The following HOMEZ variants were observed in gnomAD, a reference collection of about 807,000 sequenced individuals.
The protein encoded by HOMEZ is homeobox and leucine zipper protein Homez.
Under a neutral mutation model 50.1 loss-of-function variants are expected in HOMEZ, and 20 were observed. That is an observed-to-expected ratio of 0.40 (90% CI 0.28 to 0.58). The LOEUF is 0.58. Ranked by LOEUF, HOMEZ falls within the 20% of genes least tolerant of loss-of-function variation. The probability of loss-of-function intolerance (pLI) is 0.46; values close to 1 mark genes in which losing one functional copy is unlikely to be tolerated. For missense variants in HOMEZ, 579 were observed against 680.5 expected (o/e 0.85, Z 1.66); for synonymous variants, 239 against 254.7 (o/e 0.94, Z 0.59).
In HOMEZ at chr14:23,273,339, A is replaced by G. The variant is rs996499332; in HGVS notation, c.*2236T>C. ...GTTCTTTTCCTTATTATACTTTTTT[A>G]TTTGTCTATTATTTCCTCTATGCTT... On this transcript the variant is annotated 3_prime_UTR_variant, in exon 2 of 2. Transcript: ENST00000357460. The G allele has an allele frequency of 9.2e-5, 14 of 152,818 alleles. No homozygotes were observed. Among genetic ancestry groups the G allele is most frequent in the African/African-American group, 3.4e-4 (14 of 41,410 alleles). 9.5% of individuals were successfully genotyped at this position (152,818 alleles called of 1,614,324 possible).
intron 1 of HOMEZ, among the ~76,000 whole-genome samples, chr14:23,281,093 CTCCTGATCTG>C (rs1886546160): frequency 3.3e-5 from 5 of 152,032 alleles, no homozygotes; most frequent in African/African-American, 4.8e-5. Context: ...TTAAGTATTA[CTCCTGATCTG>C]CTAAGGACAG....
In HOMEZ at chr14:23,273,479, T is replaced by C. The variant is rs1160039896; in HGVS notation, c.*2096A>G. The C allele has an allele frequency of 6.6e-6, 1 of 152,262 alleles. No homozygotes were observed. The highest frequency in any genetic ancestry group is 1.5e-5 in the Non-Finnish European group (1 of 68,054). The allele number at this position is 152,262 out of a possible 1,614,324, so 9.4% of individuals were successfully genotyped here. On this transcript the variant is annotated 3_prime_UTR_variant, in exon 2 of 2. Transcript: ENST00000357460. The stretch of plus-strand genomic sequence containing the variant: ...GACGATGCCCTTTTATTGCTACAAT[T>C]CTATCACTTTTACAAGCTCTAGAAT...
rs1482042481 is a variant in HOMEZ, at chr14:23,272,840, G to A, written c.*2735C>T. The A allele has an allele frequency of 1.9e-6, 3 of 1,549,036 alleles. No individual in the cohort carries two copies. The highest frequency in any genetic ancestry group is 2.6e-6 in the Non-Finnish European group (3 of 1,146,002). On this transcript the variant is annotated 3_prime_UTR_variant, in exon 2 of 2. Coordinates refer to ENST00000357460, the MANE Select transcript of HOMEZ (RefSeq NM_020834.3). ...TGCTGCAGACTCTCTACCAACAACG[G>A]AGGCATATGGGATTACCCAGTGGGA... is the stretch of plus-strand genomic sequence containing the variant.
Position 23,275,825 on chromosome 14 carries a change from C to T in HOMEZ, c.1403G>A (p.Arg468Lys). The T allele has an allele frequency of 5.0e-6, 8 of 1,605,680 alleles. No individual in the cohort carries two copies. Among genetic ancestry groups the T allele is most frequent in the Non-Finnish European group, 6.8e-6 (8 of 1,175,336 alleles). Reference sequence around the variant, plus strand: ...TAGCTGTTGGTGGGCTGCCCAGTACCTCTCCAAGGGTTGTATATCCGGTGG... The same window carrying T: ...TAGCTGTTGGTGGGCTGCCCAGTACTTCTCCAAGGGTTGTATATCCGGTGG... ...PPPPDIQPLE[R>K]YWAAHQQLRE... Residue 468 changes from arginine to lysine, a missense_variant, in exon 2 of 2, where the codon AGG (arginine) becomes AAG (lysine). Arg to Lys is a conservative substitution (Grantham distance 26, BLOSUM62 2). Transcript: ENST00000357460.
intron 1 of HOMEZ, among the ~76,000 whole-genome samples, chr14:23,280,720 AT>A (rs1236449771): frequency 1.1e-4 from 7 of 65,008 alleles, no homozygotes; most frequent in South Asian, 5.7e-4. Flanking sequence ...TTTTTATTTT[AT>A]TTTATTTTAT....
Position 23,275,834 on chromosome 14 carries a change from G to A in HOMEZ, c.1394C>T (p.Pro465Leu), listed in dbSNP as rs1223005769. The A allele has an allele frequency of 1.2e-6, 2 of 1,602,440 alleles. No individual in the cohort carries two copies. The highest frequency in any genetic ancestry group is 3.4e-5 in the Admixed American group (2 of 59,260). ...GTGGGCTGCCCAGTACCTCTCCAAGGGTTGTATATCCGGTGGGGGTGGAGG... is the reference window on the plus strand; with the variant it reads ...GTGGGCTGCCCAGTACCTCTCCAAGAGTTGTATATCCGGTGGGGGTGGAGG... ...PIPPPPPDIQ[P>L]LERYWAAHQQ... Residue 465 changes from proline (P) to leucine (L), a missense_variant, in exon 2 of 2, where the codon CCC becomes CTC. Physicochemically the swap from Pro to Leu is moderately conservative, Grantham distance 98. Transcript: ENST00000357460.
intron 1 of HOMEZ, 70 bp downstream of exon 1, chr14:23,285,838 CGGGGA>C (rs1886649841): frequency 2.4e-6 from 2 of 835,276 alleles, no homozygotes; most frequent in Admixed American, 4.3e-5. Context: ...CCCACCAGCG[CGGGGA>C]TGGGGCTCCA....
intron 1 of HOMEZ, among the ~76,000 whole-genome samples, chr14:23,280,694 TATTTTTA>T (rs1313894042): frequency 7.6e-5 from 9 of 118,584 alleles, no homozygotes; most frequent in South Asian, 2.6e-4. Context: ...ATTTTATTTT[TATTTTTA>T]TATTTTTATT....
intron 1 of HOMEZ, among the ~76,000 whole-genome samples, chr14:23,281,035 C>CT (rs2140507719): frequency 6.6e-6 from 1 of 151,962 alleles, no homozygotes; most frequent in Admixed American, 6.6e-5. Flanking sequence ...TCCCAAAGTG[C>CT]TGGGATTTCA....
intron 1 of HOMEZ, among the ~76,000 whole-genome samples, chr14:23,280,773 A>C (rs796900853): frequency 3.2e-4 from 32 of 100,290 alleles, no homozygotes; most frequent in Admixed American, 6.9e-4. Flanking sequence ...ATTTTATTTT[A>C]TTTTATTTTA....
At chr14:23,278,670 A>ATTGTTTGT (rs10640227) in intron 1 of HOMEZ, among the ~76,000 whole-genome samples, 1 of 150,436 alleles carries the variant, frequency 6.6e-6, no homozygotes, top group Non-Finnish European at 1.5e-5. Context: ...GGCCCTCAGA[A>ATTGTTTGT]TTGTTTGTTT....
chr14:23,278,840 T>C (rs968069057), intron 1 of HOMEZ, among the ~76,000 whole-genome samples: 2 of 152,084 alleles, frequency 1.3e-5, no homozygotes, highest in Non-Finnish European at 2.9e-5. Context: ...CATGCCCTGC[T>C]ACATTTTGTA....
At chr14:23,280,768 ATTTTATTTTATTT>A (rs1886530711) in intron 1 of HOMEZ, among the ~76,000 whole-genome samples, 1 of 93,720 alleles carries the variant, frequency 1.1e-5, no homozygotes, top group Non-Finnish European at 2.4e-5. Flanking sequence ...ATTTTATTTT[ATTTTATTTTATTT>A]TATTTTATTT....
Position 23,280,785 on chromosome 14 carries a change from T to TTTATTTTA in HOMEZ, c.41-3599_41-3598insTAAAATAA, listed in dbSNP as rs1304208973. On this transcript the variant is annotated intron_variant, in intron 1 of 1. Coordinates refer to ENST00000357460, the MANE Select transcript of HOMEZ (RefSeq NM_020834.3). ...TTTATTTTATTTTATTTTATTTTAT[T>TTTATTTTA]TTATTTGGAGACGGAGTCTTGCTCT... 5.2e-3 allele frequency among the ~76,000 whole-genome samples: 713 copies of TTTATTTTA among 138,086 alleles called. 37 individuals are homozygous for TTTATTTTA. The highest frequency in any genetic ancestry group is 0.02 in the South Asian group (78 of 3,808). 90.6% of individuals were successfully genotyped at this position (138,086 alleles called of 152,430 possible).
chr14:23,280,732 T>TTTA (rs1159267827), intron 1 of HOMEZ, among the ~76,000 whole-genome samples: 968 of 77,512 alleles, frequency 0.012, 58 homozygotes, highest in African/African-American at 0.039. Context: ...TTTATTTTAT[T>TTTA]TTATTTTATT....
intron 1 of HOMEZ, among the ~76,000 whole-genome samples, chr14:23,282,239 T>G (rs550063749): frequency 5.8e-4 from 88 of 152,264 alleles, no homozygotes; most frequent in African/African-American, 2.1e-3. Flanking sequence ...CTAATTCTAG[T>G]TAGCGATGAG....
Position 23,272,601 on chromosome 14 carries a change from T to C in HOMEZ, c.*2974A>G. ...AGTTTAATTTTCAAATATTCATCCT[T>C]ATTATTATCACCATAAGCTACTGAA... On this transcript the variant is annotated 3_prime_UTR_variant, in exon 2 of 2. Transcript: ENST00000357460. 1.8e-6 allele frequency: 1 copy of C among 555,576 alleles called. No homozygotes were observed. The highest frequency in any genetic ancestry group is 3.2e-6 in the Non-Finnish European group (1 of 313,322). 34.4% of individuals were successfully genotyped at this position (555,576 alleles called of 1,614,324 possible). A position where few individuals can be genotyped will look rare whatever the true frequency, so the allele number is the denominator to read the frequency against.
chr14:23,285,894 GGGGCTGGGGAT>G lies in HOMEZ; in HGVS notation c.40+8_40+18del. On this transcript the variant is annotated splice_region_variant and intron_variant, in intron 1 of 1. Coordinates refer to ENST00000357460, the MANE Select transcript of HOMEZ (RefSeq NM_020834.3). ...ACACGAGCTGGGAGGGGAAGTCCAA[GGGGCTGGGGAT>G]CACTCACCGCAGTCCAGCCCGGGCG... 1 of 1,240,786 alleles carries G rather than the reference GGGGCTGGGGAT, an allele frequency of 8.1e-7. No homozygotes were observed. Among genetic ancestry groups the G allele is most frequent in the Non-Finnish European group, 1.0e-6 (1 of 980,810 alleles). The allele number at this position is 1,240,786 out of a possible 1,614,324, so 76.9% of individuals were successfully genotyped here.
chr14:23,285,448 C>A (rs1216515205), intron 1 of HOMEZ: 2 of 153,320 alleles, frequency 1.3e-5, no homozygotes, highest in East Asian at 3.8e-4. Flanking sequence ...CTAAACCTTT[C>A]ATTCCCAAAG....
Sources: gnomAD v4.1 joint callset for allele counts (sites outside exome capture counted in the v4.1 genomes callset) on GRCh38, gnomAD v4.1.1 for gene constraint, MANE v1.5 for transcripts, NCBI Gene and HGNC (gene_info 2026-07-23, HGNC 2026-07-21) for gene names.